PTK2: variants seen among roughly 807,000 people sequenced by gnomAD.
The protein encoded by PTK2 is protein tyrosine kinase 2, also known as focal adhesion kinase 1.
PTK2 carries 45 observed loss-of-function variants against 150.1 expected under a neutral mutation model. The ratio of observed to expected loss-of-function variants is 0.30; its 90% CI spans 0.24 to 0.38. The LOEUF is 0.38. Among genes scored for constraint, PTK2 ranks in the 10% least tolerant of loss-of-function variants. The probability of loss-of-function intolerance (pLI) is 1.00; values close to 1 mark genes in which losing one functional copy is unlikely to be tolerated. For synonymous variants in PTK2, 432 were observed against 449.2 expected, an observed-to-expected ratio of 0.96 and a Z score of 0.48; for missense variants, 919 against 1,307.3, an observed-to-expected ratio of 0.70 and a Z score of 4.58.
chr8:140,781,046 G>C (rs2100081376), intron 14 of PTK2, among the ~76,000 whole-genome samples: 1 of 152,170 alleles, frequency 6.6e-6, no homozygotes, highest in South Asian at 2.1e-4. Flanking sequence ...CTTTGTAAAG[G>C]CATCAAAAAT....
At chr8:140,695,867 T>C (rs1266262803) in intron 26 of PTK2, among the ~76,000 whole-genome samples, 2 of 152,218 alleles carry the variant, frequency 1.3e-5, no homozygotes, top group Non-Finnish European at 2.9e-5. Flanking sequence ...TCTCTAGTCC[T>C]GGGGAACTGA....
intron 7 of PTK2, among the ~76,000 whole-genome samples, chr8:140,837,736 C>T (rs866715872): frequency 5.6e-5 from 8 of 143,612 alleles, no homozygotes; most frequent in Middle Eastern, 4.9e-3. Context: ...CTCAAACAAA[C>T]AAACAAAAAC....
intron 14 of PTK2, among the ~76,000 whole-genome samples, chr8:140,779,973 T>C (rs924571284): frequency 3.3e-5 from 5 of 151,944 alleles, no homozygotes; most frequent in African/African-American, 9.7e-5. Flanking sequence ...ATTCCAACAA[T>C]GTGAAAAACA....
chr8:140,817,375 A>G (rs1188934013), intron 10 of PTK2, among the ~76,000 whole-genome samples: 1 of 152,200 alleles, frequency 6.6e-6, no homozygotes, highest in Non-Finnish European at 1.5e-5. Flanking sequence ...GCACATTTAT[A>G]TATGTATAGG....
At chr8:140,828,354 T>C (rs1374785812) in intron 8 of PTK2, among the ~76,000 whole-genome samples, 5 of 152,074 alleles carry the variant, frequency 3.3e-5, no homozygotes, top group East Asian at 1.9e-4. Context: ...CCGAACCTCT[T>C]TGGGCACCTG....
In PTK2 at chr8:140,833,932, ATTAGG is replaced by A. The variant is rs372383052; in HGVS notation, c.594-3411_594-3407del. 4.5e-3 allele frequency among the ~76,000 whole-genome samples: 683 copies of A among 152,356 alleles called. 4 individuals are homozygous for A. The highest frequency in any genetic ancestry group is 0.016 in the African/African-American group (646 of 41,578). On this transcript the variant is annotated intron_variant, in intron 7 of 31. Coordinates refer to ENST00000522684, the Ensembl canonical transcript of PTK2. Reference sequence around the variant, plus strand: ...CATACACAGATGACAAGACACTAATATTAGGTTAGAACTGTGTTGTCCAATATACA... The same window carrying A: ...CATACACAGATGACAAGACACTAATATTAGAACTGTGTTGTCCAATATACA...
chr8:140,891,514 T>A (rs1199049650), intron 2 of PTK2, among the ~76,000 whole-genome samples: 1 of 152,174 alleles, frequency 6.6e-6, no homozygotes. Context: ...GTGACACAGA[T>A]GAAGACAGGA....
intron 20 of PTK2, among the ~76,000 whole-genome samples, chr8:140,740,657 G>A (rs2100055149): frequency 6.6e-6 from 1 of 152,274 alleles, no homozygotes; most frequent in African/African-American, 2.4e-5. Context: ...ATGAAAATTT[G>A]GACATCATAC....
At chr8:140,902,054 G>C (rs1323718154) in intron 2 of PTK2, among the ~76,000 whole-genome samples, 1 of 144,502 alleles carries the variant, frequency 6.9e-6, no homozygotes, top group Non-Finnish European at 1.5e-5. Context: ...TTTTTTTGGA[G>C]ATGGAGTCTT....
chr8:140,933,819 T>C (rs1697557467), intron 1 of PTK2, among the ~76,000 whole-genome samples: 1 of 152,122 alleles, frequency 6.6e-6, no homozygotes, highest in South Asian at 2.1e-4. Context: ...TGGTGGTGAT[T>C]GTACTCATTG....
intron 2 of PTK2, chr8:140,909,487 A>G (rs2100162236): frequency 6.6e-6 from 1 of 152,210 alleles, no homozygotes; most frequent in East Asian, 1.9e-4. Context: ...CAGAACTAGC[A>G]CATATCATGA....
At chr8:140,768,592 T>C (rs114270188) in intron 14 of PTK2, among the ~76,000 whole-genome samples, 6,936 of 152,230 alleles carry the variant, frequency 0.046, 419 homozygotes, top group African/African-American at 0.14. Flanking sequence ...CCTTAGAGTC[T>C]CTCTTAATCC....
At chr8:140,674,178 A>T in intron 29 of PTK2, 120 bp downstream of exon 32, 1 of 1,012,874 alleles carries the variant, frequency 9.9e-7, no homozygotes, top group Non-Finnish European at 1.6e-6. Flanking sequence ...CTGCAGTTCC[A>T]CTCTGCACTG....
At chr8:140,860,098 A>G (rs1272471775) in intron 5 of PTK2, among the ~76,000 whole-genome samples, 1 of 152,190 alleles carries the variant, frequency 6.6e-6, no homozygotes, top group Non-Finnish European at 1.5e-5. Context: ...GTTTTAAACA[A>G]CAGCATTTAA....
At chr8:140,829,250 T>C (rs1352207631) in intron 8 of PTK2, among the ~76,000 whole-genome samples, 1 of 151,478 alleles carries the variant, frequency 6.6e-6, no homozygotes, top group African/African-American at 2.4e-5. Flanking sequence ...TTTTTCCCAT[T>C]AGATTATCAA....
intron 1 of PTK2, among the ~76,000 whole-genome samples, chr8:140,927,975 A>AAAAAAAT: frequency 2.1e-5 from 1 of 48,190 alleles, no homozygotes; most frequent in Non-Finnish European, 3.4e-5. Flanking sequence ...AAAAAAAAAA[A>AAAAAAAT]ATATATATAT....
At chr8:140,668,490 G>A in intron 29 of PTK2, 66 bp from the exon 34 acceptor site, 2 of 1,510,160 alleles carry the variant, frequency 1.3e-6, no homozygotes, top group Admixed American at 2.1e-5. Flanking sequence ...CCACAATCAA[G>A]CTAGAGAGGG....
At chr8:140,857,447 A>T (rs926810600) in intron 5 of PTK2, among the ~76,000 whole-genome samples, 2 of 152,218 alleles carry the variant, frequency 1.3e-5, no homozygotes, top group African/African-American at 4.8e-5. Flanking sequence ...GCAATTAAGC[A>T]TCATAACAAT....
intron 1 of PTK2, among the ~76,000 whole-genome samples, chr8:140,930,957 C>A (rs2154608531): frequency 6.6e-6 from 1 of 151,892 alleles, no homozygotes; most frequent in African/African-American, 2.4e-5. Flanking sequence ...ACCTGTAACT[C>A]CAGCTACTCA....
Sources: allele counts gnomAD v4.1 joint callset (sites outside exome capture counted in the v4.1 genomes callset), GRCh38; gene constraint gnomAD v4.1.1; transcripts MANE v1.5; gene names NCBI Gene and HGNC (gene_info 2026-07-23, HGNC 2026-07-21).